The following ADAM7 variants were observed in gnomAD, a reference collection of about 807,000 sequenced individuals.
ADAM7 encodes the protein disintegrin and metalloproteinase domain-containing protein 7.
A neutral mutation model predicts 102.9 loss-of-function variants in ADAM7; 97 were observed. That is an observed-to-expected ratio of 0.94 (90% CI 0.80 to 1.12). ADAM7 has a LOEUF of 1.12. ADAM7 is among the 50% of genes most tolerant of loss of function. The pLI, the probability that ADAM7 is intolerant of heterozygous loss-of-function variation, is 0.00. For missense variants in ADAM7, 991 were observed against 908.7 expected (o/e 1.09, Z -1.16); for synonymous variants, 334 against 304.4 (o/e 1.10, Z -1.01).
intron 1 of ADAM7, 46 bp downstream of exon 1, chr8:24,441,206 G>A (rs1818362359): frequency 6.4e-7 from 1 of 1,550,398 alleles, no homozygotes; most frequent in Non-Finnish European, 8.9e-7. Context: ...ATGCTGTGAG[G>A]TTGTGTCTCT....
At chr8:24,497,828 T>A (rs1197903393) in intron 16 of ADAM7, among the ~76,000 whole-genome samples, 2 of 152,118 alleles carry the variant, frequency 1.3e-5, no homozygotes, top group Non-Finnish European at 2.9e-5. Flanking sequence ...GTCATTAATT[T>A]GCTACAGAAA....
chr8:24,452,606 T>C (rs1222559237), intron 3 of ADAM7, among the ~76,000 whole-genome samples: 2 of 150,150 alleles, frequency 1.3e-5, no homozygotes, highest in Non-Finnish European at 3.0e-5. Flanking sequence ...CTTTATCCAA[T>C]TTGCCAGTCT....
intron 8 of ADAM7, among the ~76,000 whole-genome samples, chr8:24,478,071 A>G (rs1158535358): frequency 1.3e-5 from 2 of 152,150 alleles, no homozygotes; most frequent in Non-Finnish European, 2.9e-5. Context: ...TCTTAGAACA[A>G]TACTCATTAA....
chr8:24,499,304 C>G lies in ADAM7; in HGVS notation c.1911C>G (p.Cys637Trp). The change falls in exon 17 of 22, where the codon TGC becomes TGG. Residue 637 changes from cysteine (C) to tryptophan (W), a missense_variant. Coordinates refer to ENST00000175238, the MANE Select transcript of ADAM7 (RefSeq NM_003817.4). ...VYISTNCPSQ[C>W]NENPVDGHGL... is the part of the protein sequence containing the mutation. Reference sequence around the variant, plus strand: ...TCTCAACCAATTGCCCCTCTCAGTGCAATGAAAATCCTGTAAGATATGACT... The same window carrying G: ...TCTCAACCAATTGCCCCTCTCAGTGGAATGAAAATCCTGTAAGATATGACT... The G allele has an allele frequency of 6.2e-7, 1 of 1,603,454 alleles. No homozygotes were observed. The highest frequency in any genetic ancestry group is 1.1e-5 in the South Asian group (1 of 89,126).
In ADAM7 at chr8:24,509,354, T is replaced by A. The variant is rs982109429; in HGVS notation, c.*808T>A. On this transcript the variant is annotated 3_prime_UTR_variant, in exon 22 of 22. Transcript: ENST00000175238. Reference sequence around the variant, plus strand: ...CTCTGCCCTCTCCCTATCCGTTTGTTATGGGATGGGGGATTACCCTGGGAA... The same window carrying A: ...CTCTGCCCTCTCCCTATCCGTTTGTAATGGGATGGGGGATTACCCTGGGAA... 87 of 985,236 alleles carry A rather than the reference T, an allele frequency of 8.8e-5. No individual in the cohort carries two copies. Among genetic ancestry groups the A allele is most frequent in the Non-Finnish European group, 1.0e-4 (87 of 829,908 alleles). 61.0% of individuals were successfully genotyped at this position (985,236 alleles called of 1,614,324 possible).
intron 9 of ADAM7, 108 bp downstream of exon 9, chr8:24,482,419 A>G: frequency 8.9e-7 from 1 of 1,119,840 alleles, no homozygotes; most frequent in Admixed American, 2.4e-5. Flanking sequence ...ACTTTTGGGT[A>G]GCACACAGGG....
At chr8:24,442,089 G>A (rs987320922) in intron 1 of ADAM7, among the ~76,000 whole-genome samples, 4 of 152,136 alleles carry the variant, frequency 2.6e-5, no homozygotes, top group Non-Finnish European at 5.9e-5. Context: ...TGGAAGAATC[G>A]CTTGAACCGG....
chr8:24,471,197 G>A (rs1273616508), intron 7 of ADAM7, among the ~76,000 whole-genome samples: 2 of 151,988 alleles, frequency 1.3e-5, no homozygotes, highest in African/African-American at 2.4e-5. Context: ...TTAAACTGAT[G>A]TCTAAAAAAA....
chr8:24,496,942 T>G (rs980917047), intron 16 of ADAM7, among the ~76,000 whole-genome samples: 3 of 152,078 alleles, frequency 2.0e-5, no homozygotes, highest in Non-Finnish European at 4.4e-5. Context: ...GACATGAGAT[T>G]TGGGAGGGGC....
chr8:24,450,230 TTACCTTGGGCAGTA>T (rs1818729028), intron 3 of ADAM7, among the ~76,000 whole-genome samples: 1 of 152,172 alleles, frequency 6.6e-6, no homozygotes. Flanking sequence ...AATCTGTAAG[TTACCTTGGGCAGTA>T]TGGCCATTTT....
At position 24,466,953 on chromosome 8, in the gene ADAM7, G is replaced by A. The variant is rs748550554; in HGVS notation, c.544G>A (p.Gly182Arg). 6.2e-7 allele frequency: 1 copy of A among 1,613,984 alleles called. No homozygotes were observed. ...ELNFTRKTVP[G>R]DNESEEDSKI... is the part of the protein sequence containing the mutation. ...TAATTTTACCAGAAAAACTGTTCCA[G>A]GGGATAATGAATCTGAAGAAGACTC... The change falls in exon 6 of 22, where the codon GGG (glycine) becomes AGG (arginine). Residue 182 changes from glycine (G) to arginine (R), a missense_variant. Gly to Arg is a moderately radical substitution (Grantham distance 125, BLOSUM62 -2). Transcript: ENST00000175238.
At chr8:24,460,751 ATG>A (rs55815837) in intron 3 of ADAM7, among the ~76,000 whole-genome samples, 61,279 of 149,126 alleles carry the variant, frequency 0.41, 13,636 homozygotes, top group Non-Finnish European at 0.5. Context: ...ATATGTATGT[ATG>A]TGTGTGTGTG....
At chr8:24,468,521 A>T (rs1217890837) in intron 6 of ADAM7, among the ~76,000 whole-genome samples, 1 of 151,922 alleles carries the variant, frequency 6.6e-6, no homozygotes, top group Non-Finnish European at 1.5e-5. Flanking sequence ...AATTAAATTT[A>T]AAAAAAAGAA....
intron 3 of ADAM7, among the ~76,000 whole-genome samples, chr8:24,449,324 G>A (rs1244645680): frequency 6.6e-6 from 1 of 152,170 alleles, no homozygotes; most frequent in Non-Finnish European, 1.5e-5. Flanking sequence ...GTTGTTTCCT[G>A]ACTTTTTAAT....
Position 24,499,902 on chromosome 8 carries a change from G to GA in ADAM7, c.1924-273dup, listed in dbSNP as rs374155599. ...ATCATATATATCATATATTTACCTG[G>GA]AAAGATAAATCATGCTGTCTTGTTC... On this transcript the variant is annotated intron_variant, in intron 17 of 21. Transcript: ENST00000175238. Among the ~76,000 whole-genome samples the GA allele has an allele frequency of 5.4e-3, 824 of 151,670 alleles. 9 individuals carry two copies. Among genetic ancestry groups the GA allele is most frequent in the African/African-American group, 0.019 (786 of 41,320 alleles).
Position 24,500,250 on chromosome 8 carries a change from G to C in ADAM7, c.1996G>C (p.Val666Leu). 1 of 1,606,378 alleles carries C rather than the reference G, an allele frequency of 6.2e-7. No individual in the cohort carries two copies. The highest frequency in any genetic ancestry group is 8.5e-7 in the Non-Finnish European group (1 of 1,173,836). Residue 666 changes from valine to leucine, a missense_variant, in exon 18 of 22, where the codon GTT becomes CTT. Transcript: ENST00000175238. ...TGTAGCCTGTGAAGAAACCTTACAT[G>C]TTACCAGTGAGCATCCTAAAACAAA... Reference protein sequence around the residue: ...APVACEETLHVTNITILVVVL... With the variant: ...APVACEETLHLTNITILVVVL...
chr8:24,485,856 A>T (rs10105866), intron 10 of ADAM7, among the ~76,000 whole-genome samples: 106,247 of 152,030 alleles, frequency 0.7, 37,771 homozygotes, highest in Middle Eastern at 0.74. Context: ...AGCTTCTAGT[A>T]AATGTTGTCC....
intron 16 of ADAM7, among the ~76,000 whole-genome samples, chr8:24,496,588 C>A (rs1379762381): frequency 6.6e-6 from 1 of 152,198 alleles, no homozygotes; most frequent in Non-Finnish European, 1.5e-5. Flanking sequence ...TGGGAACCCA[C>A]CTCTTGCATC....
At chr8:24,494,207 G>C (rs1339021385) in intron 16 of ADAM7, among the ~76,000 whole-genome samples, 1 of 152,094 alleles carries the variant, frequency 6.6e-6, no homozygotes, top group Non-Finnish European at 1.5e-5. Flanking sequence ...GTAAAAAAAA[G>C]AACTAGAACT....
Sources: gnomAD v4.1 joint callset for allele counts (sites outside exome capture counted in the v4.1 genomes callset) on GRCh38, gnomAD v4.1.1 for gene constraint, MANE v1.5 for transcripts, NCBI Gene and HGNC (gene_info 2026-07-23, HGNC 2026-07-21) for gene names.